RNF212B: variants seen among roughly 807,000 people sequenced by gnomAD.
The protein encoded by RNF212B is ring finger protein 212B.
Under a neutral mutation model 55.5 loss-of-function variants are expected in RNF212B, and 52 were observed. That is an observed-to-expected ratio of 0.94 (90% CI 0.75 to 1.18). The LOEUF is 1.18. RNF212B is among the 50% of genes most tolerant of loss of function. The probability of loss-of-function intolerance (pLI) is 0.00; values close to 1 mark genes in which losing one functional copy is unlikely to be tolerated. For missense variants in RNF212B, 289 were observed against 350.4 expected (o/e 0.82, Z 1.40); for synonymous variants, 99 against 121.4 (o/e 0.82, Z 1.21).
intron 2 of RNF212B, among the ~76,000 whole-genome samples, chr14:23,221,326 A>G (rs1881559202): frequency 6.6e-6 from 1 of 152,214 alleles, no homozygotes; most frequent in Admixed American, 6.5e-5. Context: ...ATGGAAACCA[A>G]AAAAGAGCAA....
At chr14:23,255,001 T>C (rs1029302222) in intron 4 of RNF212B, among the ~76,000 whole-genome samples, 2 of 152,218 alleles carry the variant, frequency 1.3e-5, no homozygotes, top group African/African-American at 4.8e-5. Flanking sequence ...CAAACCAAAA[T>C]GGAATTACTC....
At chr14:23,228,462 CAAAA>C (rs776673043) in intron 2 of RNF212B, among the ~76,000 whole-genome samples, 1 of 76,098 alleles carries the variant, frequency 1.3e-5, no homozygotes. Context: ...CTATCTCTAC[CAAAA>C]AAAAAAAAAA....
intron 2 of RNF212B, among the ~76,000 whole-genome samples, chr14:23,202,151 T>C (rs1235655195): frequency 6.6e-6 from 1 of 151,350 alleles, no homozygotes; most frequent in Admixed American, 6.6e-5. Context: ...TTCGGGAGTC[T>C]GAGGCAGGAG....
chr14:23,270,048 A>C (rs1475010561), intron 13 of RNF212B, 88 bp downstream of exon 13: 1 of 786,860 alleles, frequency 1.3e-6, no homozygotes, highest in East Asian at 2.7e-5. Context: ...CAAGATGTTG[A>C]GGTTTGCCCC....
intron 2 of RNF212B, among the ~76,000 whole-genome samples, chr14:23,226,607 G>A (rs1024049422): frequency 1.8e-4 from 28 of 152,002 alleles, no homozygotes; most frequent in Non-Finnish European, 3.4e-4. Context: ...CTCCAGCCTG[G>A]GTGACAGAGC....
chr14:23,196,818 A>C (rs895747853), intron 2 of RNF212B, among the ~76,000 whole-genome samples: 1 of 152,158 alleles, frequency 6.6e-6, no homozygotes, highest in Non-Finnish European at 1.5e-5. Context: ...GTTCACTGCT[A>C]TTCATCCTTC....
chr14:23,203,482 C>CTTTTT (rs35208170), intron 2 of RNF212B, among the ~76,000 whole-genome samples: 2 of 124,612 alleles, frequency 1.6e-5, no homozygotes, highest in African/African-American at 2.9e-5. Context: ...TTTAGTCCCC[C>CTTTTT]TTTTTTTTTT....
intron 2 of RNF212B, among the ~76,000 whole-genome samples, chr14:23,226,523 G>A (rs1882034128): frequency 6.6e-6 from 1 of 151,106 alleles, no homozygotes; most frequent in Admixed American, 6.6e-5. Flanking sequence ...CCCAGCTGCT[G>A]GGGAGGCTGA....
At position 23,240,450 on chromosome 14, in the gene RNF212B, G is replaced by A; in HGVS notation, c.100+5G>A. On this transcript the variant is annotated splice_donor_5th_base_variant and intron_variant, in intron 2 of 14. Coordinates refer to ENST00000430154, the MANE Select transcript of RNF212B (RefSeq NM_001282322.3). ...GTAAAAAGTGTGTGACTCTGGGTGA[G>A]TGACTCAACTGTTTTCAGATTCAGG... The A allele has an allele frequency of 2.0e-6, 3 of 1,531,512 alleles. No homozygotes were observed. Among genetic ancestry groups the A allele is most frequent in the Non-Finnish European group, 1.8e-6 (2 of 1,130,156 alleles). 94.9% of individuals were successfully genotyped at this position (1,531,512 alleles called of 1,614,324 possible). A position where few individuals can be genotyped will look rare whatever the true frequency, so the allele number is the denominator to read the frequency against.
chr14:23,213,997 C>T (rs760073160), intron 2 of RNF212B, among the ~76,000 whole-genome samples: 20 of 152,096 alleles, frequency 1.3e-4, no homozygotes, highest in Non-Finnish European at 2.6e-4. Flanking sequence ...ATTGGGTGTA[C>T]CTGTAGTCCT....
intron 4 of RNF212B, among the ~76,000 whole-genome samples, chr14:23,256,293 G>C (rs1384680933): frequency 2.0e-5 from 3 of 151,882 alleles, no homozygotes; most frequent in Non-Finnish European, 2.9e-5. Context: ...CTTTATCTCT[G>C]TTGCTCCTCA....
At chr14:23,187,292 G>C (rs1483433015) in intron 1 of RNF212B, among the ~76,000 whole-genome samples, 1 of 152,158 alleles carries the variant, frequency 6.6e-6, no homozygotes, top group Non-Finnish European at 1.5e-5. Flanking sequence ...CATGCTGCTT[G>C]TGATAGTTAA....
At chr14:23,191,657 G>A (rs2140355920) in intron 1 of RNF212B, among the ~76,000 whole-genome samples, 1 of 152,234 alleles carries the variant, frequency 6.6e-6, no homozygotes, top group East Asian at 1.9e-4. Flanking sequence ...GGGAAGGATA[G>A]GTTACCAGTG....
chr14:23,264,259 C>T (rs1377727649), intron 10 of RNF212B, 25 bp downstream of exon 10: 2 of 1,520,574 alleles, frequency 1.3e-6, no homozygotes, highest in South Asian at 1.2e-5. Flanking sequence ...CCTTATCTTT[C>T]CAGATTGAAG....
Position 23,269,864 on chromosome 14 carries a change from A to G in RNF212B, c.676A>G (p.Thr226Ala). 1 of 1,531,250 alleles carries G rather than the reference A, an allele frequency of 6.5e-7. No homozygotes were observed. The highest frequency in any genetic ancestry group is 8.9e-7 in the Non-Finnish European group (1 of 1,129,762). The allele number at this position is 1,531,250 out of a possible 1,614,324, so 94.9% of individuals were successfully genotyped here. A position where few individuals can be genotyped will look rare whatever the true frequency, so the allele number is the denominator to read the frequency against. The change falls in exon 13 of 15, where the codon ACT (threonine) becomes GCT (alanine). Residue 226 changes from threonine (T) to alanine (A), a missense_variant and splice_region_variant. Transcript: ENST00000430154. ...PASTHSLSYR[T>A]SSASSGQGIF... ...GATGCTTTTATTTGCTTTCCTTAGA[A>G]CTTCATCTGCCTCCTCTGGACAGGG...
rs1883840227 is a variant in RNF212B at position 23,244,357 on chromosome 14, T to C, written c.189T>C (p.Pro63=). Reference sequence around the variant, plus strand: ...AGGAGAAGATGTTTTTCAAAAGTCCTGTGGAGACAGCTTTGCAGTATTTTA... The same window carrying C: ...AGGAGAAGATGTTTTTCAAAAGTCCCGTGGAGACAGCTTTGCAGTATTTTA... ...KPQEKMFFKS[P]VETALQYFSH... The change falls in exon 4 of 15, where the codon CCT becomes CCC. Residue 63 remains proline, a synonymous_variant. Transcript: ENST00000430154. 2 of 1,547,210 alleles carry C rather than the reference T, an allele frequency of 1.3e-6. No individual in the cohort carries two copies. The highest frequency in any genetic ancestry group is 4.9e-5 in the East Asian group (2 of 40,868).
upstream of RNF212B, among the ~76,000 whole-genome samples, chr14:23,236,706 G>C (rs1489085649): frequency 1.3e-5 from 2 of 151,912 alleles, no homozygotes; most frequent in Admixed American, 1.3e-4. Context: ...ATAAACAAAA[G>C]CTCTTTGGAG....
intron 4 of RNF212B, among the ~76,000 whole-genome samples, chr14:23,248,423 C>T (rs9919912): frequency 1.9e-3 from 285 of 150,004 alleles, no homozygotes; most frequent in African/African-American, 6.5e-3. Context: ...TGAGCCACCA[C>T]GCCCAACCCC....
chr14:23,259,106 C>A (rs1259492411), intron 5 of RNF212B, among the ~76,000 whole-genome samples: 1 of 150,920 alleles, frequency 6.6e-6, no homozygotes, highest in Admixed American at 6.6e-5. Context: ...GCCAGAAGAT[C>A]GTTTGAGCCC....
Sources: gnomAD v4.1 joint callset for allele counts (sites outside exome capture counted in the v4.1 genomes callset) on GRCh38, gnomAD v4.1.1 for gene constraint, MANE v1.5 for transcripts, NCBI Gene and HGNC (gene_info 2026-07-23, HGNC 2026-07-21) for gene names.